Variants in ADAMTS17 observed in about 807,000 individuals in gnomAD.
ADAMTS17 encodes A disintegrin and metalloproteinase with thrombospondin motifs 17.
In ADAMTS17, 113 loss-of-function variants were observed where a neutral mutation model predicts 141.5. The observed-to-expected ratio is 0.80, with a 90% CI of 0.69 to 0.93. The LOEUF is 0.93. Ranked by LOEUF, ADAMTS17 falls within the 40% of genes least tolerant of loss-of-function variation. The pLI is 0.00. For missense variants in ADAMTS17, 1,659 were observed against 1,517.9 expected (o/e 1.09, Z -1.54); for synonymous variants, 768 against 630.6 (o/e 1.22, Z -3.27).
At chr15:100,060,639 C>A (rs1209418262) in intron 15 of ADAMTS17, among the ~76,000 whole-genome samples, 1 of 152,214 alleles carries the variant, frequency 6.6e-6, no homozygotes, top group Admixed American at 6.5e-5. Context: ...ACTGGAAGAC[C>A]TGACCCACAG....
intron 12 of ADAMTS17, among the ~76,000 whole-genome samples, chr15:100,117,238 G>T (rs149257448): frequency 6.6e-6 from 1 of 152,236 alleles, no homozygotes; most frequent in Non-Finnish European, 1.5e-5. Context: ...TGCAAATCAA[G>T]GTCATATGGA....
intron 18 of ADAMTS17, among the ~76,000 whole-genome samples, chr15:100,003,064 T>C (rs1229188885): frequency 1.3e-5 from 2 of 151,846 alleles, no homozygotes; most frequent in Non-Finnish European, 2.9e-5. Flanking sequence ...ACTGATAAAC[T>C]CTCATGTCCT....
chr15:100,133,392 C>A, intron 10 of ADAMTS17, 77 bp from the exon 11 acceptor site: 1 of 1,416,700 alleles, frequency 7.1e-7, no homozygotes, highest in Non-Finnish European at 9.7e-7. Flanking sequence ...AGAGGTGTGG[C>A]CCAACCACTG....
intron 7 of ADAMTS17, among the ~76,000 whole-genome samples, chr15:100,217,319 G>C (rs761848095): frequency 5.9e-5 from 9 of 152,148 alleles, no homozygotes; most frequent in Non-Finnish European, 1.0e-4. Flanking sequence ...AGACCTAAAC[G>C]TAAGACTGAA....
At chr15:100,108,394 T>C (rs933738255) in intron 14 of ADAMTS17, among the ~76,000 whole-genome samples, 1 of 152,200 alleles carries the variant, frequency 6.6e-6, no homozygotes, top group Non-Finnish European at 1.5e-5. Context: ...CAGGCTGGTC[T>C]TGAACTCCTG....
intron 18 of ADAMTS17, among the ~76,000 whole-genome samples, chr15:100,012,441 G>A (rs2061205210): frequency 1.3e-5 from 2 of 152,124 alleles, no homozygotes; most frequent in African/African-American, 4.8e-5. Context: ...TTAGTTCTTG[G>A]TTATGAAATC....
At chr15:100,220,027 C>T (rs979128922) in intron 7 of ADAMTS17, among the ~76,000 whole-genome samples, 1 of 152,144 alleles carries the variant, frequency 6.6e-6, no homozygotes, top group Admixed American at 6.5e-5. Context: ...TGAGACCTCA[C>T]ATCCTAGGCT....
intron 4 of ADAMTS17, among the ~76,000 whole-genome samples, chr15:100,267,331 T>C (rs28453088): frequency 0.12 from 18,648 of 152,156 alleles, 1,299 homozygotes; most frequent in Non-Finnish European, 0.15. Context: ...GGCTGGATAA[T>C]ATTCCATTGT....
intron 16 of ADAMTS17, among the ~76,000 whole-genome samples, 158 bp from the exon 17 acceptor site, chr15:100,051,889 A>G (rs1344854405): frequency 2.0e-5 from 3 of 152,130 alleles, no homozygotes; most frequent in Non-Finnish European, 2.9e-5. Flanking sequence ...GTGCTCCTTT[A>G]TCTCAGCCCT....
intron 15 of ADAMTS17, among the ~76,000 whole-genome samples, chr15:100,078,392 G>A (rs572134876): frequency 6.6e-6 from 1 of 152,196 alleles, no homozygotes; most frequent in East Asian, 1.9e-4. Flanking sequence ...CATAAGGACA[G>A]TCGTTTCTAA....
chr15:100,305,030 G>A (rs113752183), intron 3 of ADAMTS17, among the ~76,000 whole-genome samples: 57 of 152,080 alleles, frequency 3.7e-4, no homozygotes, highest in Non-Finnish European at 5.6e-4. Flanking sequence ...TATGTTAACA[G>A]TAAGACTTCC....
At chr15:100,332,400 G>A (rs1025546076) in intron 2 of ADAMTS17, among the ~76,000 whole-genome samples, 1 of 152,208 alleles carries the variant, frequency 6.6e-6, no homozygotes, top group African/African-American at 2.4e-5. Context: ...GAGTGGGCAG[G>A]GTACGGCACA....
intron 14 of ADAMTS17, among the ~76,000 whole-genome samples, chr15:100,107,619 T>C (rs1028890670): frequency 6.6e-6 from 1 of 151,992 alleles, no homozygotes. Flanking sequence ...GACTGGGTCA[T>C]GAGGGCAGAA....
intron 10 of ADAMTS17, among the ~76,000 whole-genome samples, chr15:100,137,697 C>T (rs1567236255): frequency 6.6e-6 from 1 of 152,202 alleles, no homozygotes; most frequent in South Asian, 2.1e-4. Context: ...AATACAAAAC[C>T]CATACCCAGC....
At chr15:99,990,009 T>C (rs941621474) in intron 20 of ADAMTS17, among the ~76,000 whole-genome samples, 1 of 152,206 alleles carries the variant, frequency 6.6e-6, no homozygotes, top group Non-Finnish European at 1.5e-5. Context: ...AATCAGCCCC[T>C]TAATGTCTCT....
At chr15:100,150,451 A>G (rs956596930) in intron 10 of ADAMTS17, among the ~76,000 whole-genome samples, 1 of 151,824 alleles carries the variant, frequency 6.6e-6, no homozygotes, top group Non-Finnish European at 1.5e-5. Flanking sequence ...CTTAGCTTCT[A>G]TATTCTCATC....
At chr15:100,337,938 C>T (rs950878543) in intron 2 of ADAMTS17, among the ~76,000 whole-genome samples, 1 of 152,232 alleles carries the variant, frequency 6.6e-6, no homozygotes, top group Non-Finnish European at 1.5e-5. Flanking sequence ...GGCAGCTGAT[C>T]CGAACTTACA....
intron 10 of ADAMTS17, among the ~76,000 whole-genome samples, chr15:100,145,583 G>C (rs1423887426): frequency 1.3e-5 from 2 of 152,142 alleles, no homozygotes; most frequent in Non-Finnish European, 2.9e-5. Flanking sequence ...TGGAGATATA[G>C]GATGGTCATG....
intron 6 of ADAMTS17, among the ~76,000 whole-genome samples, chr15:100,257,987 A>T (rs74830783): frequency 6.6e-6 from 1 of 152,184 alleles, no homozygotes; most frequent in African/African-American, 2.4e-5. Context: ...GGTACCTCAC[A>T]TAAGTGGAAT....
Sources: gnomAD v4.1 joint callset for allele counts (sites outside exome capture counted in the v4.1 genomes callset) on GRCh38, gnomAD v4.1.1 for gene constraint, MANE v1.5 for transcripts, NCBI Gene and HGNC (gene_info 2026-07-23, HGNC 2026-07-21) for gene names.